Variants in MYO1B observed in about 807,000 individuals in gnomAD.
MYO1B encodes unconventional myosin-Ib.
In MYO1B, 72 loss-of-function variants were observed where a neutral mutation model predicts 159.7. That is an observed-to-expected ratio of 0.45 (90% CI 0.37 to 0.55). The LOEUF is 0.55. MYO1B is among the 20% of genes least tolerant of loss of function. MYO1B has a pLI of 0.00. For synonymous variants in MYO1B, 468 were observed against 473.8 expected (o/e 0.99, Z 0.16); for missense variants, 1,062 against 1,364.8 (o/e 0.78, Z 3.50).
intron 14 of MYO1B, 98 bp from the exon 15 acceptor site, chr2:191,383,182 G>A: frequency 1.5e-6 from 1 of 685,522 alleles, no homozygotes; most frequent in South Asian, 1.9e-5. Context: ...ATTCAGAGAG[G>A]AAGGGAAATA....
At chr2:191,280,589 C>T (rs1345177675) in intron 2 of MYO1B, among the ~76,000 whole-genome samples, 1 of 152,176 alleles carries the variant, frequency 6.6e-6, no homozygotes, top group African/African-American at 2.4e-5. Flanking sequence ...GCCGGAGTCA[C>T]ACTCCCTTCT....
In MYO1B at chr2:191,399,235, C is replaced by T. The variant is rs375031178; in HGVS notation, c.2296-1147C>T. Among the ~76,000 whole-genome samples, 22 of 151,814 alleles carry T rather than the reference C, an allele frequency of 1.4e-4. No individual in the cohort carries two copies. In the East Asian group the frequency reaches 2.9e-3, roughly 20 times the overall value. On this transcript the variant is annotated intron_variant, in intron 21 of 30. Coordinates refer to ENST00000392318, the MANE Select transcript of MYO1B (RefSeq NM_001130158.3). ...GCAGCAGTACCATCCAGCTTTGGCT[C>T]GGCATCAGAGGGAGACCGTGGAAGG...
intron 3 of MYO1B, among the ~76,000 whole-genome samples, chr2:191,313,671 A>C (rs1377890225): frequency 6.6e-6 from 1 of 152,200 alleles, no homozygotes; most frequent in Non-Finnish European, 1.5e-5. Context: ...GGCGTGAGCC[A>C]CTGCGCCCAG....
At chr2:191,273,030 G>GA (rs1411994746) in intron 1 of MYO1B, among the ~76,000 whole-genome samples, 1 of 152,226 alleles carries the variant, frequency 6.6e-6, no homozygotes, top group Non-Finnish European at 1.5e-5. Flanking sequence ...GAAAACTTGA[G>GA]AGATGGGAGC....
At chr2:191,350,369 G>T in intron 7 of MYO1B, 144 bp downstream of exon 7, 3 of 535,590 alleles carry the variant, frequency 5.6e-6, no homozygotes, top group Admixed American at 3.5e-5. Flanking sequence ...TTGCATTTCA[G>T]ATTGTTTTAT....
chr2:191,291,615 C>T (rs1333673781), intron 2 of MYO1B, among the ~76,000 whole-genome samples: 14 of 152,100 alleles, frequency 9.2e-5, no homozygotes, highest in Admixed American at 9.2e-4. Flanking sequence ...AGCTGAGGTT[C>T]AGAAACGTGG....
intron 1 of MYO1B, among the ~76,000 whole-genome samples, chr2:191,262,233 T>TG (rs1686857100): frequency 6.6e-6 from 1 of 152,144 alleles, no homozygotes; most frequent in Non-Finnish European, 1.5e-5. Flanking sequence ...AGGCACTCTT[T>TG]GGGGCAGACA....
At chr2:191,357,684 T>A (rs1693392935) in intron 7 of MYO1B, among the ~76,000 whole-genome samples, 1 of 152,222 alleles carries the variant, frequency 6.6e-6, no homozygotes. Flanking sequence ...AATGTTCTGC[T>A]TTGACTTAAT....
intron 4 of MYO1B, among the ~76,000 whole-genome samples, chr2:191,334,771 G>C (rs1279603388): frequency 6.6e-6 from 1 of 152,198 alleles, no homozygotes; most frequent in East Asian, 1.9e-4. Flanking sequence ...AGAGACGCTA[G>C]AGCATTGCTT....
chr2:191,332,163 A>G (rs930067407), intron 4 of MYO1B, among the ~76,000 whole-genome samples: 6 of 152,082 alleles, frequency 3.9e-5, no homozygotes, highest in African/African-American at 1.4e-4. Context: ...GGGTTTCACC[A>G]TGTTGGCCAG....
At chr2:191,398,269 A>G (rs1323620842) in intron 21 of MYO1B, among the ~76,000 whole-genome samples, 1 of 74,920 alleles carries the variant, frequency 1.3e-5, no homozygotes, top group Admixed American at 1.2e-4. Flanking sequence ...CCCCTCCCGG[A>G]CGGGGCGGCT....
intron 1 of MYO1B, among the ~76,000 whole-genome samples, chr2:191,251,398 G>C (rs781575194): frequency 9.2e-5 from 14 of 152,172 alleles, no homozygotes; most frequent in Non-Finnish European, 1.3e-4. Context: ...TTCCAAGATA[G>C]GCAGTTTTAT....
chr2:191,325,729 A>G (rs574565525), intron 3 of MYO1B, among the ~76,000 whole-genome samples: 34 of 152,310 alleles, frequency 2.2e-4, no homozygotes, highest in Admixed American at 8.5e-4. Flanking sequence ...TCTGATGGCC[A>G]TGAAAGCAGA....
At chr2:191,398,423 A>C (rs1487254066) in intron 21 of MYO1B, among the ~76,000 whole-genome samples, 157 of 105,072 alleles carry the variant, frequency 1.5e-3, no homozygotes, top group Admixed American at 2.0e-3. Flanking sequence ...CGGGGGGCTG[A>C]CCCCCCCCCA....
At chr2:191,310,442 A>C (rs900811192) in intron 3 of MYO1B, among the ~76,000 whole-genome samples, 1 of 152,204 alleles carries the variant, frequency 6.6e-6, no homozygotes. Flanking sequence ...ACATCAAATG[A>C]TCTGCCTGCC....
intron 1 of MYO1B, among the ~76,000 whole-genome samples, chr2:191,272,432 T>A (rs1687506826): frequency 6.6e-6 from 1 of 152,224 alleles, no homozygotes; most frequent in South Asian, 2.1e-4. Flanking sequence ...GGTAGTAGAA[T>A]CCACCTGGGG....
chr2:191,416,277 CT>C (rs768473311), intron 30 of MYO1B, 35 bp downstream of exon 30: 1 of 1,612,490 alleles, frequency 6.2e-7, no homozygotes, highest in Non-Finnish European at 8.5e-7. Flanking sequence ...CCCTTTTTCT[CT>C]TTCAGCTTTT....
intron 4 of MYO1B, among the ~76,000 whole-genome samples, chr2:191,341,185 A>T (rs532965790): frequency 6.6e-6 from 1 of 152,174 alleles, no homozygotes; most frequent in African/African-American, 2.4e-5. Context: ...CTTTAAGAAG[A>T]TAATTCTGAT....
chr2:191,253,471 C>T (rs954712477), intron 1 of MYO1B, among the ~76,000 whole-genome samples: 38 of 152,152 alleles, frequency 2.5e-4, no homozygotes, highest in African/African-American at 9.2e-4. Context: ...TCCCCTATCA[C>T]ACTGGCACAT....
Sources: gnomAD v4.1 joint callset for allele counts (sites outside exome capture counted in the v4.1 genomes callset) on GRCh38, gnomAD v4.1.1 for gene constraint, MANE v1.5 for transcripts, NCBI Gene and HGNC (gene_info 2026-07-23, HGNC 2026-07-21) for gene names.